The following BTNL9 variants were observed in gnomAD, a reference collection of about 807,000 sequenced individuals.
The protein encoded by BTNL9 is butyrophilin like 9.
Under a neutral mutation model 45.8 loss-of-function variants are expected in BTNL9, and 45 were observed. The observed-to-expected ratio is 0.98, with a 90% CI of 0.77 to 1.26. The LOEUF (loss-of-function observed/expected upper bound fraction) is 1.26, where lower values mean the gene tolerates loss of function less well. Among genes scored for constraint, BTNL9 ranks in the 50% most tolerant of loss-of-function variants. BTNL9 has a pLI of 0.00. For missense variants in BTNL9, 784 were observed against 729.7 expected, an observed-to-expected ratio of 1.07 and a Z score of -0.86; for synonymous variants, 346 against 330.8, an observed-to-expected ratio of 1.05 and a Z score of -0.50.
intron 7 of BTNL9, chr5:181,054,539 T>G: frequency 2.0e-6 from 2 of 985,480 alleles, no homozygotes; most frequent in African/African-American, 1.7e-5. Context: ...CCGGTTCATC[T>G]TCTTAAAATA....
Position 181,060,722 on chromosome 5 carries a change from G to C in BTNL9, c.*860G>C, listed in dbSNP as rs2113276533. ...ATACACTACTTATAAGTTTGAAAGGGGAAAGGTTACCTTTACAATGGAGAC... is the reference window on the plus strand; with the variant it reads ...ATACACTACTTATAAGTTTGAAAGGCGAAAGGTTACCTTTACAATGGAGAC... On this transcript the variant is annotated 3_prime_UTR_variant, in exon 11 of 11. Coordinates refer to ENST00000327705, the MANE Select transcript of BTNL9 (RefSeq NM_152547.5). 6.6e-6 allele frequency: 1 copy of C among 152,230 alleles called. No homozygotes were observed. Among genetic ancestry groups the C allele is most frequent in the South Asian group, 2.1e-4 (1 of 4,822 alleles). 9.4% of individuals were successfully genotyped at this position (152,230 alleles called of 1,614,324 possible). A position where few individuals can be genotyped will look rare whatever the true frequency, so the allele number is the denominator to read the frequency against.
rs756706547 is a variant in BTNL9 at position 181,059,683 on chromosome 5, A to G, written c.1429A>G (p.Thr477Ala). 1 of 1,613,014 alleles carries G rather than the reference A, an allele frequency of 6.2e-7. No individual in the cohort carries two copies. Among genetic ancestry groups the G allele is most frequent in the Admixed American group, 1.7e-5 (1 of 59,974 alleles). Reference protein sequence around the residue: ...DGSHIFTFHDTFSGALCAYFR... With the variant: ...DGSHIFTFHDAFSGALCAYFR... Reference sequence around the variant, plus strand: ...CTCCCACATCTTCACCTTCCACGACACCTTCTCGGGCGCGCTCTGTGCGTA... The same window carrying G: ...CTCCCACATCTTCACCTTCCACGACGCCTTCTCGGGCGCGCTCTGTGCGTA... The change falls in exon 11 of 11, where the codon ACC (threonine) becomes GCC (alanine). Residue 477 changes from threonine to alanine, a missense_variant. Physicochemically the swap from Thr to Ala is moderately conservative, Grantham distance 58. Transcript: ENST00000327705.
Position 181,059,302 on chromosome 5 carries a change from G to A in BTNL9, c.1048G>A (p.Val350Met), listed in dbSNP as rs1294999516. 9 of 1,566,508 alleles carry A rather than the reference G, an allele frequency of 5.7e-6. No individual in the cohort carries two copies. Among genetic ancestry groups the A allele is most frequent in the South Asian group, 1.2e-5 (1 of 86,274 alleles). Residue 350 changes from valine (V) to methionine (M), a missense_variant, in exon 11 of 11, where the codon GTG becomes ATG. Transcript: ENST00000327705. ...SLEVSEDGKS[V>M]SSRGAPPGPA... The stretch of plus-strand genomic sequence containing the variant: ...GGAGGTGTCGGAGGATGGCAAGAGC[G>A]TGTCTTCCCGCGGGGCGCCGCCAGG...
intron 10 of BTNL9, 157 bp from the exon 11 acceptor site, chr5:181,059,080 G>T (rs1261837087): frequency 3.5e-6 from 3 of 867,062 alleles, no homozygotes; most frequent in African/African-American, 1.8e-5. Flanking sequence ...TGCCACTTCA[G>T]TCCTGGGGAG....
intron 7 of BTNL9, chr5:181,054,603 A>G: frequency 2.0e-6 from 2 of 985,440 alleles, no homozygotes; most frequent in Non-Finnish European, 2.4e-6. Flanking sequence ...TTTAATTTGC[A>G]CCAAAATGGA....
rs74617353 is a variant in BTNL9, at chr5:181,047,879, A to T, written c.110-48A>T. 2.6e-3 allele frequency: 3,899 copies of T among 1,521,538 alleles called. 92 individuals are homozygous for T. In the African/African-American group the frequency reaches 0.047, roughly 18 times the overall value. The allele number at this position is 1,521,538 out of a possible 1,614,324, so 94.3% of individuals were successfully genotyped here. A position where few individuals can be genotyped will look rare whatever the true frequency, so the allele number is the denominator to read the frequency against. On this transcript the variant is annotated intron_variant, in intron 2 of 10. Coordinates refer to ENST00000327705, the MANE Select transcript of BTNL9 (RefSeq NM_152547.5). Reference sequence around the variant, plus strand: ...TATAAAGGGGTGTGATAACTTTTTTAAAAATTGGATGAGGGTTGCTTTTGC... The same window carrying T: ...TATAAAGGGGTGTGATAACTTTTTTTAAAATTGGATGAGGGTTGCTTTTGC...
chr5:181,056,888 A>G (rs1761910039), intron 9 of BTNL9: 2 of 425,934 alleles, frequency 4.7e-6, no homozygotes, highest in African/African-American at 2.0e-5. Flanking sequence ...AAGATTGAGC[A>G]TCTCTGTATA....
At chr5:181,048,898 TATAA>T (rs1280686004) in intron 3 of BTNL9, among the ~76,000 whole-genome samples, 1 of 64,758 alleles carries the variant, frequency 1.5e-5, no homozygotes, top group Non-Finnish European at 3.5e-5. Context: ...ATATATGATA[TATAA>T]ATATATATAA....
chr5:181,052,934 G>GT (rs1761637555), intron 4 of BTNL9: 1 of 151,440 alleles, frequency 6.6e-6, no homozygotes, highest in African/African-American at 2.4e-5. Context: ...GGGCGAGGGC[G>GT]GCGCTGCGGC....
At chr5:181,056,604 C>T (rs1260288169) in intron 9 of BTNL9, 7 of 717,512 alleles carry the variant, frequency 9.8e-6, no homozygotes, top group South Asian at 1.5e-5. Flanking sequence ...TCCACAACAA[C>T]ACTGAATGCA....
chr5:181,056,616 A>G, intron 9 of BTNL9: 2 of 717,484 alleles, frequency 2.8e-6, no homozygotes, highest in Non-Finnish European at 5.2e-6. Flanking sequence ...CTGAATGCAT[A>G]GTCTCAAACG....
Position 181,058,374 on chromosome 5 carries a change from T to C in BTNL9, c.978T>C (p.Tyr326=), listed in dbSNP as rs60738644. 9,298 of 1,614,046 alleles carry C rather than the reference T, an allele frequency of 5.8e-3. 472 individuals are homozygous for C. The African/African-American group carries it at 0.11, about 19-fold the overall frequency. Residue 326 remains tyrosine, a synonymous_variant, in exon 10 of 11, where the codon TAT becomes TAC. Transcript: ENST00000327705. ...GQAEWRAAQK[Y]AVDVTLDPAS... ...CAGAGTGGAGAGCAGCCCAAAAATATGCAGGTAACTGAAGCCAGGAAACTG... is the reference window on the plus strand; with the variant it reads ...CAGAGTGGAGAGCAGCCCAAAAATACGCAGGTAACTGAAGCCAGGAAACTG...
rs1762048470 is a variant in BTNL9 at position 181,059,391 on chromosome 5, C to T, written c.1137C>T (p.Phe379=). ...EQTCALSLER[F]SAGRHYWEVH... ...CGTGCGCGCTGAGCCTGGAGCGGTT[C>T]TCCGCCGGCCGCCACTACTGGGAGG... Residue 379 remains phenylalanine, a synonymous_variant, in exon 11 of 11, where the codon TTC becomes TTT. Transcript: ENST00000327705. 1 of 1,525,348 alleles carries T rather than the reference C, an allele frequency of 6.6e-7. No homozygotes were observed. Among genetic ancestry groups the T allele is most frequent in the Non-Finnish European group, 8.8e-7 (1 of 1,139,268 alleles). The allele number at this position is 1,525,348 out of a possible 1,614,324, so 94.5% of individuals were successfully genotyped here.
rs780999341 is a variant in BTNL9 at position 181,055,833 on chromosome 5, C to T, written c.929-156C>T. 1.2e-6 allele frequency: 1 copy of T among 835,768 alleles called. No homozygotes were observed. Among genetic ancestry groups the T allele is most frequent in the Admixed American group, 1.8e-5 (1 of 56,466 alleles). The allele number at this position is 835,768 out of a possible 1,614,324, so 51.8% of individuals were successfully genotyped here. A position where few individuals can be genotyped will look rare whatever the true frequency, so the allele number is the denominator to read the frequency against. On this transcript the variant is annotated intron_variant, in intron 8 of 10. Transcript: ENST00000327705. The surrounding 1 kb of genome is among the most constrained non-coding windows in gnomAD (Gnocchi z 4.4). ...CATCTGATTCCCCATATATCTTCTT[C>T]TCATCTCCCAACCAGGTATGATGCC... is the stretch of plus-strand genomic sequence containing the variant.
intron 9 of BTNL9, chr5:181,056,596 C>T (rs1761895625): frequency 5.6e-6 from 4 of 717,510 alleles, no homozygotes; most frequent in Non-Finnish European, 1.0e-5. Context: ...CCTCTAACTC[C>T]ACAACAACAC....
At chr5:181,047,447 A>G in intron 2 of BTNL9, 1 of 979,228 alleles carries the variant, frequency 1.0e-6, no homozygotes, top group Non-Finnish European at 1.2e-6. Flanking sequence ...CAGACAAGCA[A>G]AAATGAGAAA....
chr5:181,053,375 G>A lies in BTNL9; in HGVS notation c.853+59G>A. 1.3e-6 allele frequency: 2 copies of A among 1,511,354 alleles called. No homozygotes were observed. Among genetic ancestry groups the A allele is most frequent in the East Asian group, 2.5e-5 (1 of 39,466 alleles). 93.6% of individuals were successfully genotyped at this position (1,511,354 alleles called of 1,614,324 possible). A position where few individuals can be genotyped will look rare whatever the true frequency, so the allele number is the denominator to read the frequency against. On this transcript the variant is annotated intron_variant, in intron 5 of 10. Coordinates refer to ENST00000327705, the MANE Select transcript of BTNL9 (RefSeq NM_152547.5). The surrounding 1 kb of genome is among the most constrained non-coding windows in gnomAD (Gnocchi z 6.5). ...CCGGCCGGTGCTGAACCCCGGGGCC[G>A]CGGAGGCGCCTCCCCCCAGGACGCG...
Position 181,048,057 on chromosome 5 carries a change from C to T in BTNL9, c.240C>T (p.Phe80=), listed in dbSNP as rs1157582691. The stretch of plus-strand genomic sequence containing the variant: ...TCCGCTGGTTCCGGAGTCAGACCTT[C>T]AATGTGGTACACCTGTACCAGGAGC... ...MEIRWFRSQT[F]NVVHLYQEQQ... The change falls in exon 3 of 11, where the codon TTC becomes TTT. Residue 80 remains phenylalanine, a synonymous_variant. Transcript: ENST00000327705. 1.2e-6 allele frequency: 2 copies of T among 1,613,676 alleles called. No homozygotes were observed. The highest frequency in any genetic ancestry group is 4.5e-5 in the East Asian group (2 of 44,888).
intron 9 of BTNL9, 45 bp downstream of exon 9, chr5:181,056,060 G>C: frequency 6.2e-7 from 1 of 1,607,436 alleles, no homozygotes; most frequent in Non-Finnish European, 8.5e-7. Flanking sequence ...ATTTATATCT[G>C]AGCACCCCAG....
Sources: allele counts gnomAD v4.1 joint callset (sites outside exome capture counted in the v4.1 genomes callset), GRCh38; gene constraint gnomAD v4.1.1; non-coding constraint Gnocchi (gnomAD v3.1); transcripts MANE v1.5; gene names NCBI Gene and HGNC (gene_info 2026-07-23, HGNC 2026-07-21).